The following CTNNA3 variants were observed in gnomAD, a reference collection of about 807,000 sequenced individuals.
CTNNA3 encodes the protein catenin alpha-3.
In CTNNA3, 76 loss-of-function variants were observed where a neutral mutation model predicts 95.7. The ratio of observed to expected loss-of-function variants is 0.79; its 90% CI spans 0.66 to 0.96. CTNNA3 has a LOEUF of 0.96. Among genes scored for constraint, CTNNA3 ranks in the 40% least tolerant of loss-of-function variants. CTNNA3 has a pLI of 0.00. For missense variants in CTNNA3, 1,191 were observed against 1,089.8 expected (o/e 1.09, Z -1.31); for synonymous variants, 431 against 374.4 (o/e 1.15, Z -1.74).
At chr10:66,474,041 T>A (rs1839233066) in intron 11 of CTNNA3, among the ~76,000 whole-genome samples, 1 of 152,128 alleles carries the variant, frequency 6.6e-6, no homozygotes, top group Non-Finnish European at 1.5e-5. Context: ...AGTAAAGGGA[T>A]GTTATAGCAG....
chr10:67,393,367 G>A (rs1406482617), intron 5 of CTNNA3, among the ~76,000 whole-genome samples: 1 of 152,154 alleles, frequency 6.6e-6, no homozygotes, highest in Non-Finnish European at 1.5e-5. Flanking sequence ...ATGGATAATA[G>A]TATGGTGGAA....
At chr10:67,529,020 G>A (rs1259738394) in intron 4 of CTNNA3, among the ~76,000 whole-genome samples, 2 of 152,090 alleles carry the variant, frequency 1.3e-5, no homozygotes, top group African/African-American at 4.8e-5. Context: ...AATTTTAAGT[G>A]TTCTCACTAC....
intron 9 of CTNNA3, among the ~76,000 whole-genome samples, chr10:66,710,267 C>T (rs1242064680): frequency 6.6e-6 from 1 of 152,084 alleles, no homozygotes; most frequent in Non-Finnish European, 1.5e-5. Flanking sequence ...TTCAAGGTTT[C>T]CTTACTCTTC....
At chr10:67,223,569 T>C (rs1037876190) in intron 5 of CTNNA3, among the ~76,000 whole-genome samples, 1 of 152,130 alleles carries the variant, frequency 6.6e-6, no homozygotes, top group Non-Finnish European at 1.5e-5. Context: ...AACACACAGA[T>C]GGGATTTAAA....
At chr10:67,378,821 G>T (rs2132724204) in intron 5 of CTNNA3, among the ~76,000 whole-genome samples, 1 of 152,144 alleles carries the variant, frequency 6.6e-6, no homozygotes, top group South Asian at 2.1e-4. Context: ...ATCATTTTAT[G>T]CCCTTTAGAA....
chr10:66,595,085 C>T (rs1225787374), intron 10 of CTNNA3, among the ~76,000 whole-genome samples: 1 of 151,944 alleles, frequency 6.6e-6, no homozygotes, highest in Admixed American at 6.6e-5. Context: ...TTAACAAACA[C>T]CCATGGTCAA....
At chr10:66,020,963 G>A (rs1430950162) in intron 15 of CTNNA3, among the ~76,000 whole-genome samples, 1 of 152,134 alleles carries the variant, frequency 6.6e-6, no homozygotes, top group African/African-American at 2.4e-5. Context: ...GTGAGCCACT[G>A]CATCCGGCCG....
intron 10 of CTNNA3, among the ~76,000 whole-genome samples, chr10:66,588,200 T>C (rs959895211): frequency 6.6e-6 from 1 of 151,942 alleles, no homozygotes; most frequent in Non-Finnish European, 1.5e-5. Flanking sequence ...ATGGCCTGAA[T>C]TGCCCGGCTC....
intron 12 of CTNNA3, among the ~76,000 whole-genome samples, chr10:66,361,530 C>CTT (rs1564898172): frequency 3.4e-5 from 5 of 147,732 alleles, no homozygotes; most frequent in African/African-American, 1.0e-4. Flanking sequence ...GCATCTTTCT[C>CTT]TCTTTCTTTC....
intron 10 of CTNNA3, among the ~76,000 whole-genome samples, chr10:66,559,641 C>T (rs1043522384): frequency 1.2e-4 from 18 of 152,006 alleles, no homozygotes; most frequent in South Asian, 8.3e-4. Flanking sequence ...ATGCACCCCC[C>T]GCTCGGGTAT....
intron 11 of CTNNA3, among the ~76,000 whole-genome samples, chr10:66,472,022 TG>T (rs1383724866): frequency 6.6e-6 from 1 of 152,024 alleles, no homozygotes; most frequent in Non-Finnish European, 1.5e-5. Flanking sequence ...TAGTTCATTA[TG>T]GGCAAAACAG....
At chr10:67,577,381 G>T (rs1292653437) in intron 3 of CTNNA3, among the ~76,000 whole-genome samples, 3 of 148,282 alleles carry the variant, frequency 2.0e-5, no homozygotes, top group African/African-American at 7.8e-5. Flanking sequence ...GGGGTTGTTT[G>T]TTTTTTTCTT....
chr10:66,200,805 T>G (rs963293448), intron 13 of CTNNA3, among the ~76,000 whole-genome samples: 2 of 152,246 alleles, frequency 1.3e-5, no homozygotes, highest in African/African-American at 4.8e-5. Flanking sequence ...AGCTAAAGCT[T>G]AGGCAATATT....
intron 11 of CTNNA3, among the ~76,000 whole-genome samples, chr10:66,423,400 T>A (rs2093212373): frequency 6.6e-6 from 1 of 152,158 alleles, no homozygotes; most frequent in Admixed American, 6.5e-5. Flanking sequence ...TTGGTAGAAT[T>A]TGACAGAGCA....
At chr10:67,400,442 A>C (rs1844875057) in intron 5 of CTNNA3, among the ~76,000 whole-genome samples, 1 of 152,202 alleles carries the variant, frequency 6.6e-6, no homozygotes, top group Non-Finnish European at 1.5e-5. Context: ...AACAATAAAA[A>C]TGAGCAATTC....
At chr10:65,948,819 G>T (rs1362579750) in intron 17 of CTNNA3, among the ~76,000 whole-genome samples, 1 of 152,034 alleles carries the variant, frequency 6.6e-6, no homozygotes. Context: ...TAAATTTGAA[G>T]CCTGAAAAAA....
intron 7 of CTNNA3, among the ~76,000 whole-genome samples, chr10:66,990,818 A>T (rs1320144347): frequency 6.6e-6 from 1 of 152,216 alleles, no homozygotes; most frequent in Non-Finnish European, 1.5e-5. Context: ...CAATACAGAT[A>T]TCCTATTCAA....
At chr10:66,305,923 A>G (rs1396995872) in intron 12 of CTNNA3, among the ~76,000 whole-genome samples, 2 of 152,220 alleles carry the variant, frequency 1.3e-5, no homozygotes, top group African/African-American at 2.4e-5. Flanking sequence ...CTATAAATCT[A>G]AAGTCTCAGC....
intron 7 of CTNNA3, among the ~76,000 whole-genome samples, chr10:67,092,270 A>G (rs1857689245): frequency 6.6e-6 from 1 of 151,966 alleles, no homozygotes; most frequent in South Asian, 2.1e-4. Flanking sequence ...CCCCTGTGAT[A>G]TATGAGGAGA....
Sources: allele counts gnomAD v4.1 joint callset (sites outside exome capture counted in the v4.1 genomes callset), GRCh38; gene constraint gnomAD v4.1.1; transcripts MANE v1.5; gene names NCBI Gene and HGNC (gene_info 2026-07-23, HGNC 2026-07-21).